SCHIP1: variants seen among roughly 807,000 people sequenced by gnomAD.
SCHIP1 encodes the protein schwannomin-interacting protein 1.
A neutral mutation model predicts 29.7 loss-of-function variants in SCHIP1; 8 were observed. The ratio of observed to expected loss-of-function variants is 0.27; its 90% CI spans 0.16 to 0.49. The LOEUF is 0.49. SCHIP1 is among the 20% of genes least tolerant of loss of function. SCHIP1 has a pLI of 0.99. For synonymous variants in SCHIP1, 76 were observed against 94.9 expected, an observed-to-expected ratio of 0.80 and a Z score of 1.16; for missense variants, 193 against 294.6, an observed-to-expected ratio of 0.66 and a Z score of 2.52.
At chr3:159,435,282 A>T in the SCHIP1 span, among the ~76,000 whole-genome samples, 1 of 152,162 alleles carries the variant, frequency 6.6e-6, no homozygotes, top group Non-Finnish European at 1.5e-5. Flanking sequence ...GATTAGTTTC[A>T]CAGAGGATTT....
the SCHIP1 span, among the ~76,000 whole-genome samples, chr3:159,524,697 C>T: frequency 6.6e-6 from 1 of 152,162 alleles, no homozygotes; most frequent in Non-Finnish European, 1.5e-5. Flanking sequence ...AAATAAGAGA[C>T]TACTGTGCCC....
At chr3:159,358,227 G>A in the SCHIP1 span, among the ~76,000 whole-genome samples, 1 of 152,266 alleles carries the variant, frequency 6.6e-6, no homozygotes, top group African/African-American at 2.4e-5. Flanking sequence ...ATTTCTGCTG[G>A]ACATGCCTGG....
the SCHIP1 span, among the ~76,000 whole-genome samples, chr3:159,605,490 A>T: frequency 7.2e-5 from 11 of 152,172 alleles, no homozygotes; most frequent in African/African-American, 2.4e-4. Context: ...ACCTTCTACG[A>T]TAGGAAACTG....
the SCHIP1 span, among the ~76,000 whole-genome samples, chr3:159,600,213 T>C: frequency 8.5e-5 from 13 of 152,226 alleles, no homozygotes; most frequent in Admixed American, 4.6e-4. Flanking sequence ...GCATTGTATC[T>C]ACCTGGGGAT....
At chr3:159,515,198 TAA>T in the SCHIP1 span, among the ~76,000 whole-genome samples, 2 of 143,330 alleles carry the variant, frequency 1.4e-5, no homozygotes, top group African/African-American at 2.5e-5. Context: ...AAGTGGTTAT[TAA>T]AAAAAAAAAA....
chr3:159,648,369 A>G, the SCHIP1 span, among the ~76,000 whole-genome samples: 17 of 152,200 alleles, frequency 1.1e-4, no homozygotes, highest in African/African-American at 3.4e-4. Flanking sequence ...ACCACCTGTT[A>G]TATAAACTTC....
the SCHIP1 span, among the ~76,000 whole-genome samples, chr3:159,606,041 C>T: frequency 6.6e-6 from 1 of 152,152 alleles, no homozygotes; most frequent in Non-Finnish European, 1.5e-5. Context: ...ACATCTAGGG[C>T]AGAGTGTTCT....
the SCHIP1 span, chr3:159,765,291 C>A: frequency 5.7e-6 from 5 of 876,582 alleles, no homozygotes; most frequent in Non-Finnish European, 8.3e-6. Context: ...GCCGTCTGCT[C>A]CCCTGGGGAT....
At chr3:159,554,597 A>T in the SCHIP1 span, among the ~76,000 whole-genome samples, 19 of 152,136 alleles carry the variant, frequency 1.2e-4, no homozygotes, top group Admixed American at 1.2e-3. Flanking sequence ...ATGCTTTGAT[A>T]GCTTTTCTAT....
the SCHIP1 span, among the ~76,000 whole-genome samples, chr3:159,439,190 G>C: frequency 6.6e-6 from 1 of 152,106 alleles, no homozygotes; most frequent in African/African-American, 2.4e-5. Flanking sequence ...ATTCTGACTG[G>C]TGTGAGATGG....
the SCHIP1 span, among the ~76,000 whole-genome samples, chr3:159,338,756 C>T: frequency 2.0e-5 from 3 of 152,118 alleles, no homozygotes; most frequent in Non-Finnish European, 4.4e-5. Context: ...TGTGAACATT[C>T]TGATAATATA....
At chr3:159,278,601 T>C in the SCHIP1 span, among the ~76,000 whole-genome samples, 1,806 of 152,330 alleles carry the variant, frequency 0.012, 24 homozygotes, top group Non-Finnish European at 0.018. Context: ...AGCTGCATCA[T>C]ATACCTTTAA....
At chr3:159,538,577 T>G in the SCHIP1 span, among the ~76,000 whole-genome samples, 1 of 152,156 alleles carries the variant, frequency 6.6e-6, no homozygotes, top group African/African-American at 2.4e-5. Context: ...CAGAAATATT[T>G]CATAGCTTCA....
the SCHIP1 span, among the ~76,000 whole-genome samples, chr3:159,684,055 C>G: frequency 6.6e-6 from 1 of 152,108 alleles, no homozygotes; most frequent in South Asian, 2.1e-4. Flanking sequence ...TAACAAAGGG[C>G]CCTGCTGGGC....
the SCHIP1 span, among the ~76,000 whole-genome samples, chr3:159,411,103 T>C: frequency 6.6e-6 from 1 of 151,772 alleles, no homozygotes; most frequent in Non-Finnish European, 1.5e-5. Context: ...AGACAGAGGA[T>C]AGAATAATAG....
At chr3:159,606,239 CA>C in the SCHIP1 span, among the ~76,000 whole-genome samples, 1 of 151,956 alleles carries the variant, frequency 6.6e-6, no homozygotes, top group Non-Finnish European at 1.5e-5. Context: ...CTTTGCCAAG[CA>C]AGAACATTTT....
the SCHIP1 span, among the ~76,000 whole-genome samples, chr3:159,354,902 A>C: frequency 0.017 from 2,611 of 152,326 alleles, 71 homozygotes; most frequent in African/African-American, 0.06. Flanking sequence ...CGCAGAAAGC[A>C]ATGATTATTT....
the SCHIP1 span, among the ~76,000 whole-genome samples, chr3:159,616,242 G>T: frequency 6.6e-6 from 1 of 152,210 alleles, no homozygotes; most frequent in Non-Finnish European, 1.5e-5. Flanking sequence ...GGGATTACAG[G>T]CATGTGCCAC....
At chr3:159,634,429 GT>G in the SCHIP1 span, among the ~76,000 whole-genome samples, 7 of 152,166 alleles carry the variant, frequency 4.6e-5, no homozygotes, top group Non-Finnish European at 1.0e-4. Context: ...AAGAATTCAA[GT>G]TTTTCCAGCC....
Sources: gnomAD v4.1 joint callset for allele counts (sites outside exome capture counted in the v4.1 genomes callset) on GRCh38, gnomAD v4.1.1 for gene constraint, MANE v1.5 for transcripts, NCBI Gene and HGNC (gene_info 2026-07-23, HGNC 2026-07-21) for gene names.